KIRREL1: variants seen among roughly 807,000 people sequenced by gnomAD.
KIRREL1 encodes the protein kirre like nephrin family adhesion molecule 1, also known as kin of IRRE-like protein 1.
KIRREL1 carries 25 observed loss-of-function variants against 83.3 expected under a neutral mutation model. The observed-to-expected ratio is 0.30, with a 90% CI of 0.22 to 0.42. KIRREL1 has a LOEUF of 0.42. Among genes scored for constraint, KIRREL1 ranks in the 10% least tolerant of loss-of-function variants. The pLI is 1.00. For synonymous variants in KIRREL1, 388 were observed against 410.4 expected, an observed-to-expected ratio of 0.95 and a Z score of 0.66; for missense variants, 812 against 1,032.3, an observed-to-expected ratio of 0.79 and a Z score of 2.92.
chr1:158,058,700 C>T (rs998840796), intron 1 of KIRREL1, among the ~76,000 whole-genome samples: 4 of 152,132 alleles, frequency 2.6e-5, no homozygotes, highest in Admixed American at 1.3e-4. Flanking sequence ...TTCAGTCCCT[C>T]GGGGATCTTG....
At chr1:158,020,587 C>T (rs1659976566) in intron 1 of KIRREL1, among the ~76,000 whole-genome samples, 2 of 81,810 alleles carry the variant, frequency 2.4e-5, no homozygotes, top group African/African-American at 9.0e-5. Context: ...AGAATGACTG[C>T]CATACAGTAA....
At chr1:158,065,833 GC>G (rs1661344588) in intron 1 of KIRREL1, among the ~76,000 whole-genome samples, 1 of 152,060 alleles carries the variant, frequency 6.6e-6, no homozygotes, top group African/African-American at 2.4e-5. Flanking sequence ...CACTGTCTCT[GC>G]CGCCTGCCCT....
chr1:157,994,243 C>T (rs1321509453), intron 1 of KIRREL1, among the ~76,000 whole-genome samples: 1 of 152,146 alleles, frequency 6.6e-6, no homozygotes, highest in African/African-American at 2.4e-5. Flanking sequence ...GTCTGAATCA[C>T]GGCTCCAGCC....
chr1:158,089,851 C>T (rs373086254), intron 10 of KIRREL1, 33 bp downstream of exon 10: 2 of 1,586,614 alleles, frequency 1.3e-6, no homozygotes, highest in Non-Finnish European at 1.7e-6. Flanking sequence ...GACAGCCAGC[C>T]CTCCCTGCTT....
intron 1 of KIRREL1, among the ~76,000 whole-genome samples, chr1:158,068,832 G>A (rs1358187123): frequency 6.6e-6 from 1 of 152,160 alleles, no homozygotes; most frequent in East Asian, 1.9e-4. Context: ...GCGGGGGTGG[G>A]GAGAGCCAAG....
chr1:158,048,485 G>A (rs187420265), intron 1 of KIRREL1, among the ~76,000 whole-genome samples: 1 of 152,208 alleles, frequency 6.6e-6, no homozygotes, highest in Admixed American at 6.5e-5. Flanking sequence ...TTTTGAGCCA[G>A]CAGTGTGCTG....
chr1:158,034,104 T>C (rs2101676560), intron 1 of KIRREL1, among the ~76,000 whole-genome samples: 1 of 151,824 alleles, frequency 6.6e-6, no homozygotes, highest in Admixed American at 6.5e-5. Flanking sequence ...TAACCCCGTC[T>C]CTAGTAAAAA....
intron 8 of KIRREL1, 22 bp downstream of exon 8, chr1:158,088,476 C>CTTTTTTTTT (rs139451609): frequency 1.3e-6 from 1 of 761,676 alleles, no homozygotes; most frequent in African/African-American, 3.4e-5. Flanking sequence ...ACTGCCTGTT[C>CTTTTTTTTT]TTTTTTTTTT....
At chr1:158,093,570 C>T (rs765376280) in intron 12 of KIRREL1, 53 bp from the exon 13 acceptor site, 31 of 1,611,144 alleles carry the variant, frequency 1.9e-5, no homozygotes, top group Middle Eastern at 1.6e-4. Flanking sequence ...CAGAAGCAGC[C>T]GCTGCAGAGA....
At position 158,089,704 on chromosome 1, in the gene KIRREL1, C is replaced by G. The variant is rs979827102; in HGVS notation, c.1172-14C>G. The G allele has an allele frequency of 4.3e-6, 7 of 1,614,006 alleles. No individual in the cohort carries two copies. The highest frequency in any genetic ancestry group is 5.9e-6 in the Non-Finnish European group (7 of 1,180,008). The stretch of plus-strand genomic sequence containing the variant: ...GTTTTTAACTGGTTCTGACTTGTGT[C>G]TTCTTGCTTGCAGGGCCCCCCATCA... On this transcript the variant is annotated splice_polypyrimidine_tract_variant and intron_variant, in intron 9 of 14. Coordinates refer to ENST00000359209, the MANE Select transcript of KIRREL1 (RefSeq NM_018240.7).
At chr1:158,004,464 A>G (rs1417624246) in intron 1 of KIRREL1, among the ~76,000 whole-genome samples, 2 of 152,162 alleles carry the variant, frequency 1.3e-5, no homozygotes, top group Non-Finnish European at 2.9e-5. Flanking sequence ...AGCACAGTGT[A>G]ATGGAAAGCA....
Position 158,094,522 on chromosome 1 carries a change from A to T in KIRREL1, c.1798-122A>T. The T allele has an allele frequency of 8.0e-7, 1 of 1,251,636 alleles. No homozygotes were observed. The highest frequency in any genetic ancestry group is 1.2e-6 in the Non-Finnish European group (1 of 855,840). 77.5% of individuals were successfully genotyped at this position (1,251,636 alleles called of 1,614,324 possible). A position where few individuals can be genotyped will look rare whatever the true frequency, so the allele number is the denominator to read the frequency against. Reference sequence around the variant, plus strand: ...GGGAGGGTTTTTGAAGGAGCAGAGGAGGTGGAATGCTAGATGGGGACATAG... The same window carrying T: ...GGGAGGGTTTTTGAAGGAGCAGAGGTGGTGGAATGCTAGATGGGGACATAG... On this transcript the variant is annotated intron_variant, in intron 14 of 14. Transcript: ENST00000359209. This position sits in a 1 kb window ranked among gnomAD's most constrained non-coding sequence, Gnocchi z 4.6.
Position 158,042,780 on chromosome 1 carries a change from A to ACTATGATGTTATTACTATTAC in KIRREL1, c.53-33333_53-33332insCTATGATGTTATTACTATTAC, listed in dbSNP as rs1660664643. ...GTGATGTTATTACTATGCCTTATAA[A>ACTATGATGTTATTACTATTAC]TTAGCTTTGCCGGCTGGGCACGGTG... On this transcript the variant is annotated intron_variant, in intron 1 of 14. Coordinates refer to ENST00000359209, the MANE Select transcript of KIRREL1 (RefSeq NM_018240.7). Among the ~76,000 whole-genome samples, 4 of 152,048 alleles carry ACTATGATGTTATTACTATTAC rather than the reference A, an allele frequency of 2.6e-5. No individual in the cohort carries two copies. The South Asian group carries it at 8.3e-4, about 32-fold the overall frequency.
At chr1:158,011,028 CAG>C (rs1044959502) in intron 1 of KIRREL1, among the ~76,000 whole-genome samples, 1 of 152,092 alleles carries the variant, frequency 6.6e-6, no homozygotes, top group African/African-American at 2.4e-5. Context: ...AAATGAAAAC[CAG>C]GGCCCTCTAC....
At chr1:158,068,207 G>A (rs1287417242) in intron 1 of KIRREL1, among the ~76,000 whole-genome samples, 3 of 152,234 alleles carry the variant, frequency 2.0e-5, no homozygotes, top group Non-Finnish European at 4.4e-5. Flanking sequence ...GGCAGAGACA[G>A]GAGGTGATAA....
chr1:158,057,331 T>G (rs1661092446), intron 1 of KIRREL1, among the ~76,000 whole-genome samples: 1 of 152,202 alleles, frequency 6.6e-6, no homozygotes, highest in African/African-American at 2.4e-5. Context: ...TTGTCTTTGG[T>G]GGTCTGCTCA....
chr1:158,076,955 A>G (rs1661697183), intron 2 of KIRREL1, among the ~76,000 whole-genome samples: 1 of 152,234 alleles, frequency 6.6e-6, no homozygotes, highest in Admixed American at 6.5e-5. Context: ...GGGTGACCTT[A>G]GGAAAGCCAC....
chr1:158,064,333 C>A (rs1661304916), intron 1 of KIRREL1, among the ~76,000 whole-genome samples: 2 of 152,196 alleles, frequency 1.3e-5, no homozygotes, highest in Admixed American at 1.3e-4. Flanking sequence ...GACTTCCATC[C>A]TAGACTGTTT....
chr1:158,041,760 C>A (rs1472122123), intron 1 of KIRREL1, among the ~76,000 whole-genome samples: 1 of 152,144 alleles, frequency 6.6e-6, no homozygotes, highest in Non-Finnish European at 1.5e-5. Context: ...AACAAGTCTC[C>A]CCTCTGGTTT....
Sources: gnomAD v4.1 joint callset for allele counts (sites outside exome capture counted in the v4.1 genomes callset) on GRCh38, gnomAD v4.1.1 for gene constraint, Gnocchi (gnomAD v3.1) non-coding constraint, MANE v1.5 for transcripts, NCBI Gene and HGNC (gene_info 2026-07-23, HGNC 2026-07-21) for gene names.